The following TTC21A variants were observed in gnomAD, a reference collection of about 807,000 sequenced individuals.
TTC21A encodes the protein tetratricopeptide repeat domain 21A.
In TTC21A, 128 loss-of-function variants were observed where a neutral mutation model predicts 156.4. The observed-to-expected ratio is 0.82, with a 90% CI of 0.71 to 0.95. The LOEUF (loss-of-function observed/expected upper bound fraction) is 0.95, where lower values mean the gene tolerates loss of function less well. Ranked by LOEUF, TTC21A falls within the 40% of genes least tolerant of loss-of-function variation. The pLI, the probability that TTC21A is intolerant of heterozygous loss-of-function variation, is 0.00. For synonymous variants in TTC21A, 587 were observed against 617.1 expected, an observed-to-expected ratio of 0.95 and a Z score of 0.72; for missense variants, 1,435 against 1,602.3, an observed-to-expected ratio of 0.90 and a Z score of 1.78.
At chr3:39,122,895 C>T (rs2037887579) in intron 9 of TTC21A, among the ~76,000 whole-genome samples, 1 of 152,326 alleles carries the variant, frequency 6.6e-6, no homozygotes, top group South Asian at 2.1e-4. Flanking sequence ...CTGAGCCCAC[C>T]TGTATGTCCT....
chr3:39,130,993 C>G lies in TTC21A; in HGVS notation c.2460C>G (p.Val820=), dbSNP rs1158225683. ...VLKQALEHDI[V]QDIPSMMNDV... ...CTAATTTGAGTTTCCATTTAACAGT[C>G]CAAGACATCCCATCCATGATGAATG... The change falls in exon 19 of 29, where the codon GTC becomes GTG. Residue 820 remains valine, a splice_region_variant and synonymous_variant. Transcript: ENST00000683103. The surrounding 1 kb of genome is among the most constrained non-coding windows in gnomAD (Gnocchi z 4.5). 2 of 1,613,766 alleles carry G rather than the reference C, an allele frequency of 1.2e-6. No individual in the cohort carries two copies. The highest frequency in any genetic ancestry group is 1.1e-5 in the South Asian group (1 of 90,972).
rs369775912 is a variant in TTC21A, at chr3:39,137,668, C to T, written c.3633C>T (p.Asp1211=). The change falls in exon 26 of 29, where the codon GAC becomes GAT. Residue 1211 remains aspartate, a synonymous_variant. Transcript: ENST00000683103. ...ADIYCQGSKF[D]LALELLRRCV... ...TTTACTGCCAGGGCAGCAAGTTCGA[C>T]CTCGCCTTAGAACTGCTGCGGCGCT... 6.2e-6 allele frequency: 10 copies of T among 1,614,018 alleles called. No individual in the cohort carries two copies. The highest frequency in any genetic ancestry group is 1.3e-5 in the African/African-American group (1 of 75,056).
intron 5 of TTC21A, among the ~76,000 whole-genome samples, chr3:39,114,018 G>A (rs902540729): frequency 6.6e-6 from 1 of 152,186 alleles, no homozygotes; most frequent in African/African-American, 2.4e-5. Flanking sequence ...GGGCACCTGT[G>A]TCATGACCCT....
intron 11 of TTC21A, 59 bp from the exon 12 acceptor site, chr3:39,126,202 A>G (rs944310377): frequency 6.2e-7 from 1 of 1,600,468 alleles, no homozygotes; most frequent in African/African-American, 1.3e-5. Context: ...TGAGAGCTCC[A>G]GGAGTCTCTC....
In TTC21A at chr3:39,128,796, CG is replaced by C. The variant is rs1559701183; in HGVS notation, c.1761del (p.Leu588Ter). The C allele has an allele frequency of 6.2e-7, 1 of 1,614,138 alleles. No individual in the cohort carries two copies. Among genetic ancestry groups the C allele is most frequent in the Middle Eastern group, 1.7e-4 (1 of 6,060 alleles). The stretch of plus-strand genomic sequence containing the variant: ...GGAGACTATCCAGAGGCCATAAAGA[CG>C]CTGAAAATGGTCATCAAATTGCCAG... ...KAGDYPEAIK[T>X]LKMVIKLPAL... On this transcript the variant is annotated frameshift_variant, in exon 14 of 29. Transcript: ENST00000683103. LOFTEE classifies it high-confidence loss of function.
intron 3 of TTC21A, 113 bp downstream of exon 3, chr3:39,110,252 G>A (rs1319089806): frequency 1.3e-6 from 1 of 793,754 alleles, no homozygotes; most frequent in Admixed American, 2.0e-5. Context: ...CCTGGTGGCT[G>A]TGCAGATGCT....
In TTC21A at chr3:39,126,515, C is replaced by CACACACAT. The variant is rs1553683199; in HGVS notation, c.1522+131_1522+132insATACACAC. On this transcript the variant is annotated intron_variant, in intron 12 of 28. Transcript: ENST00000683103. ...ACACACACACACACACACACACACA[C>CACACACAT]ACACACTCTCCTTGCCTGGGGTACT... 17 of 1,028,836 alleles carry CACACACAT rather than the reference C, an allele frequency of 1.7e-5. No individual in the cohort carries two copies. The African/African-American group carries it at 2.3e-4, about 14-fold the overall frequency. 63.7% of individuals were successfully genotyped at this position (1,028,836 alleles called of 1,614,324 possible). A position where few individuals can be genotyped will look rare whatever the true frequency, so the allele number is the denominator to read the frequency against.
In TTC21A at chr3:39,126,245, C is replaced by T. The variant is rs931347817; in HGVS notation, c.1393-16C>T. ...AGGGCAAACCTACTCCCACCTCCAC[C>T]GCCGTGTTCCCACAGCCCAGGTTAC... On this transcript the variant is annotated splice_polypyrimidine_tract_variant and intron_variant, in intron 11 of 28. Transcript: ENST00000683103. 5.3e-5 allele frequency: 85 copies of T among 1,613,812 alleles called. No individual in the cohort carries two copies. The highest frequency in any genetic ancestry group is 6.7e-5 in the African/African-American group (5 of 74,880).
Position 39,137,300 on chromosome 3 carries a change from G to T in TTC21A, c.3363G>T (p.Leu1121=). ...HSDSSQTQLR[L]LQGLCRLATR... ...ACTCCAGCCAGACCCAGCTGCGGCT[G>T]CTGCAGGGCCTCTGCCGGCTGGCCA... Residue 1121 remains leucine, a synonymous_variant, in exon 25 of 29, where the codon CTG becomes CTT. Transcript: ENST00000683103. The T allele has an allele frequency of 6.2e-7, 1 of 1,614,162 alleles. No individual in the cohort carries two copies. Among genetic ancestry groups the T allele is most frequent in the Non-Finnish European group, 8.5e-7 (1 of 1,180,030 alleles).
rs760046330 is a variant in TTC21A, at chr3:39,128,437, C to G, written c.1629C>G (p.Asn543Lys). The stretch of plus-strand genomic sequence containing the variant: ...GTCAGATCTACTTGGCTCAGGGCAA[C>G]TTTGGCATGTGCTTCCACTGCTTAG... Reference protein sequence around the residue: ...LMCQIYLAQGNFGMCFHCLEL... With the variant: ...LMCQIYLAQGKFGMCFHCLEL... The change falls in exon 13 of 29, where the codon AAC (asparagine) becomes AAG (lysine). Residue 543 changes from asparagine (N) to lysine (K), a missense_variant. Physicochemically the swap from Asn to Lys is moderately conservative, Grantham distance 94. Coordinates refer to ENST00000683103, the MANE Select transcript of TTC21A (RefSeq NM_001366900.1). 8 of 1,614,226 alleles carry G rather than the reference C, an allele frequency of 5.0e-6. No individual in the cohort carries two copies. The highest frequency in any genetic ancestry group is 6.8e-6 in the Non-Finnish European group (8 of 1,180,048).
chr3:39,128,339 G>A lies in TTC21A; in HGVS notation c.1531G>A (p.Glu511Lys). ...TTGTGTATTATTTCTAGGAGAGCTA[G>A]AGAATGCCCAGAGCATCCTGCAGCG... ...AQVRYYSGEL[E>K]NAQSILQRCL... The change falls in exon 13 of 29, where the codon GAG becomes AAG. Residue 511 changes from glutamate to lysine, a missense_variant. Physicochemically the swap from Glu to Lys is moderately conservative, Grantham distance 56. Transcript: ENST00000683103. 3 of 1,614,138 alleles carry A rather than the reference G, an allele frequency of 1.9e-6. No homozygotes were observed. The highest frequency in any genetic ancestry group is 1.7e-6 in the Non-Finnish European group (2 of 1,180,012).
chr3:39,124,269 G>C (rs1446636355), intron 9 of TTC21A, among the ~76,000 whole-genome samples: 1 of 152,146 alleles, frequency 6.6e-6, no homozygotes, highest in Non-Finnish European at 1.5e-5. Flanking sequence ...GCAATAAATT[G>C]TTACATCCAC....
At chr3:39,109,984 T>C in intron 2 of TTC21A, 45 bp from the exon 3 acceptor site, 1 of 1,420,072 alleles carries the variant, frequency 7.0e-7, no homozygotes. Flanking sequence ...TCATGTCCTC[T>C]AGTCCTGGAG....
rs776637542 is a variant in TTC21A, at chr3:39,125,314, C to T, written c.1192-18C>T. The T allele has an allele frequency of 2.0e-5, 33 of 1,611,494 alleles. No individual in the cohort carries two copies. The highest frequency in any genetic ancestry group is 2.6e-5 in the Non-Finnish European group (31 of 1,178,504). On this transcript the variant is annotated intron_variant, in intron 10 of 28. Transcript: ENST00000683103. ...CCAGGCTGACATTGGCACTGAGACT[C>T]GGTCCTCTCTTCCACAGGTGCTAAT...
At position 39,130,318 on chromosome 3, in the gene TTC21A, G is replaced by C; in HGVS notation, c.2279G>C (p.Arg760Thr). ...QNPHDASLAS[R>T]IGHAYVKAHQ... ...CCACATGACGCCTCCCTGGCCAGCA[G>C]AATTGGGCACGCTTATGTGAAGGCC... The change falls in exon 17 of 29, where the codon AGA becomes ACA. Residue 760 changes from arginine to threonine, a missense_variant. Arg to Thr is a moderately conservative substitution (Grantham distance 71, BLOSUM62 -1). Transcript: ENST00000683103. The surrounding 1 kb of genome is among the most constrained non-coding windows in gnomAD (Gnocchi z 4.5). The C allele has an allele frequency of 2.5e-6, 4 of 1,613,888 alleles. No homozygotes were observed. The highest frequency in any genetic ancestry group is 3.4e-6 in the Non-Finnish European group (4 of 1,179,896).
Position 39,128,970 on chromosome 3 carries a change from C to T in TTC21A, c.1896+38C>T, listed in dbSNP as rs376240601. 22 of 1,610,270 alleles carry T rather than the reference C, an allele frequency of 1.4e-5. No individual in the cohort carries two copies. In the African/African-American group the frequency reaches 2.4e-4, roughly 18 times the overall value. ...GTGCTCTCTTCCCTGGGGACTGGGG[C>T]ACACTGGAGGCTCAGGGTAGGCCCA... On this transcript the variant is annotated intron_variant, in intron 14 of 28. Transcript: ENST00000683103.
At chr3:39,110,170 C>A in intron 3 of TTC21A, 31 bp downstream of exon 3, 1 of 1,543,288 alleles carries the variant, frequency 6.5e-7, no homozygotes, top group Non-Finnish European at 9.0e-7. Context: ...CCAGGCCTGA[C>A]CCACCAGGGG....
rs2039233629 is a variant in TTC21A at position 39,137,639 on chromosome 3, G to A, written c.3604G>A (p.Asp1202Asn). The change falls in exon 26 of 29, where the codon GAC (aspartate) becomes AAC (asparagine). Residue 1202 changes from aspartate (D) to asparagine (N), a missense_variant. Coordinates refer to ENST00000683103, the MANE Select transcript of TTC21A (RefSeq NM_001366900.1). ...DLEKSWLLLA[D>N]IYCQGSKFDL... ...GGAGAAGAGCTGGCTCCTGCTGGCT[G>A]ACATTTACTGCCAGGGCAGCAAGTT... 2 of 1,614,080 alleles carry A rather than the reference G, an allele frequency of 1.2e-6. No homozygotes were observed. The highest frequency in any genetic ancestry group is 1.7e-6 in the Non-Finnish European group (2 of 1,180,034).
At position 39,128,891 on chromosome 3, in the gene TTC21A, T is replaced by C; in HGVS notation, c.1855T>C (p.Leu619=). ...GCAGCCTAGCCAGCGGGCATCCATC[T>C]TATTGGAACTGGTGGAGGCCCTCCG... The part of the protein sequence containing the change: ...SVQPSQRASI[L]LELVEALRLN... The change falls in exon 14 of 29, where the codon TTA becomes CTA. Residue 619 remains leucine, a synonymous_variant. Coordinates refer to ENST00000683103, the MANE Select transcript of TTC21A (RefSeq NM_001366900.1). 6.2e-6 allele frequency: 10 copies of C among 1,614,148 alleles called. No homozygotes were observed. Among genetic ancestry groups the C allele is most frequent in the Non-Finnish European group, 8.5e-6 (10 of 1,180,020 alleles).
Sources: gnomAD v4.1 joint callset for allele counts (sites outside exome capture counted in the v4.1 genomes callset) on GRCh38, gnomAD v4.1.1 for gene constraint, Gnocchi (gnomAD v3.1) non-coding constraint, MANE v1.5 for transcripts, NCBI Gene and HGNC (gene_info 2026-07-23, HGNC 2026-07-21) for gene names.